The following PPARGC1A variants were observed in gnomAD, a reference collection of about 807,000 sequenced individuals.
PPARGC1A encodes the protein peroxisome proliferator-activated receptor gamma coactivator 1-alpha.
Under a neutral mutation model 88.7 loss-of-function variants are expected in PPARGC1A, and 25 were observed. The ratio of observed to expected loss-of-function variants is 0.28; its 90% CI spans 0.21 to 0.39. The LOEUF is 0.39. Ranked by LOEUF, PPARGC1A falls within the 10% of genes least tolerant of loss-of-function variation. The pLI is 1.00. For missense variants in PPARGC1A, 880 were observed against 968.7 expected, an observed-to-expected ratio of 0.91 and a Z score of 1.22; for synonymous variants, 363 against 355.6, an observed-to-expected ratio of 1.02 and a Z score of -0.24.
At chr4:24,084,170 G>C in the PPARGC1A span, among the ~76,000 whole-genome samples, 1 of 152,300 alleles carries the variant, frequency 6.6e-6, no homozygotes, top group African/African-American at 2.4e-5. Context: ...AGTATGTGGA[G>C]CTCACTAAAT....
chr4:24,115,754 A>G, the PPARGC1A span, among the ~76,000 whole-genome samples: 1 of 152,026 alleles, frequency 6.6e-6, no homozygotes, highest in South Asian at 2.1e-4. Flanking sequence ...GCTCTTCTTC[A>G]TTTCCCTCTT....
intron 2 of PPARGC1A, among the ~76,000 whole-genome samples, chr4:23,874,997 A>G (rs1195319865): frequency 1.3e-5 from 2 of 152,234 alleles, no homozygotes; most frequent in African/African-American, 4.8e-5. Context: ...TTGCAACCAC[A>G]GAGGTGCTAT....
the PPARGC1A span, among the ~76,000 whole-genome samples, chr4:24,421,601 G>C: frequency 6.6e-6 from 1 of 152,094 alleles, no homozygotes; most frequent in Admixed American, 6.6e-5. Flanking sequence ...GTGAGCCACC[G>C]CGCCGGGCCA....
the PPARGC1A span, among the ~76,000 whole-genome samples, chr4:23,924,444 G>A: frequency 6.6e-6 from 1 of 152,068 alleles, no homozygotes; most frequent in Non-Finnish European, 1.5e-5. Context: ...TGGCTAACAG[G>A]GTGAAACCCC....
At chr4:24,101,931 T>C in the PPARGC1A span, among the ~76,000 whole-genome samples, 1 of 149,148 alleles carries the variant, frequency 6.7e-6, no homozygotes, top group African/African-American at 2.6e-5. Context: ...GAACTAACGA[T>C]TGAGAGATGA....
At chr4:24,321,078 C>G in the PPARGC1A span, among the ~76,000 whole-genome samples, 1 of 152,166 alleles carries the variant, frequency 6.6e-6, no homozygotes, top group Admixed American at 6.5e-5. Context: ...ATTATCTAAG[C>G]AGCGCCTAAG....
At chr4:24,466,977 A>G in the PPARGC1A span, among the ~76,000 whole-genome samples, 40 of 98,762 alleles carry the variant, frequency 4.1e-4, no homozygotes, top group Admixed American at 2.5e-3. Flanking sequence ...AGAAAGAGAA[A>G]GAAAGAAAGG....
the PPARGC1A span, among the ~76,000 whole-genome samples, chr4:24,073,257 T>A: frequency 6.6e-6 from 1 of 152,082 alleles, no homozygotes; most frequent in Non-Finnish European, 1.5e-5. Context: ...TTGACCAGGA[T>A]GGTCTCCATC....
At chr4:24,412,090 A>G in the PPARGC1A span, among the ~76,000 whole-genome samples, 1 of 152,324 alleles carries the variant, frequency 6.6e-6, no homozygotes, top group East Asian at 1.9e-4. Context: ...GAAACTGCCA[A>G]ACAGTCTTTC....
the PPARGC1A span, among the ~76,000 whole-genome samples, chr4:24,191,310 T>C: frequency 1.3e-5 from 2 of 152,194 alleles, no homozygotes; most frequent in African/African-American, 4.8e-5. Context: ...TCTCTGAGCT[T>C]CCTTCAGAGG....
the PPARGC1A span, among the ~76,000 whole-genome samples, chr4:24,289,906 T>G: frequency 1.3e-5 from 2 of 152,192 alleles, no homozygotes; most frequent in African/African-American, 4.8e-5. Flanking sequence ...GAAAGAGGTT[T>G]AATGGACTCA....
chr4:24,247,523 A>C, the PPARGC1A span, among the ~76,000 whole-genome samples: 1 of 152,212 alleles, frequency 6.6e-6, no homozygotes, highest in Non-Finnish European at 1.5e-5. Flanking sequence ...TCAAAATTTC[A>C]GAAGACACTC....
chr4:24,435,834 C>T, the PPARGC1A span, among the ~76,000 whole-genome samples: 1 of 152,160 alleles, frequency 6.6e-6, no homozygotes, highest in Admixed American at 6.5e-5. Flanking sequence ...TAGGCAAAAG[C>T]AAGATTTGAA....
At chr4:23,820,774 A>T (rs1722873256) in intron 7 of PPARGC1A, 1 of 197,288 alleles carries the variant, frequency 5.1e-6, no homozygotes, top group Non-Finnish European at 1.1e-5. Flanking sequence ...GACACTGCAG[A>T]TGGGGCAGAG....
the PPARGC1A span, among the ~76,000 whole-genome samples, chr4:24,349,952 G>C: frequency 1.7e-4 from 26 of 152,274 alleles, no homozygotes; most frequent in African/African-American, 6.0e-4. Flanking sequence ...GGCTGCTTGG[G>C]GACCCAGCGA....
chr4:24,383,676 A>G, the PPARGC1A span, among the ~76,000 whole-genome samples: 1 of 152,206 alleles, frequency 6.6e-6, no homozygotes, highest in Non-Finnish European at 1.5e-5. Flanking sequence ...AAGACTAGAG[A>G]AAAAACAATG....
the PPARGC1A span, among the ~76,000 whole-genome samples, chr4:24,463,069 G>A: frequency 3.6e-3 from 545 of 152,062 alleles, 6 homozygotes; most frequent in Admixed American, 5.1e-3. Context: ...GACTTCACAC[G>A]AAGCATCTTT....
At chr4:24,230,950 T>TTA in the PPARGC1A span, among the ~76,000 whole-genome samples, 95 of 138,832 alleles carry the variant, frequency 6.8e-4, no homozygotes, top group African/African-American at 2.2e-3. Flanking sequence ...CAGAATTTAT[T>TTA]AAAAAAAATA....
At chr4:24,219,600 C>A in the PPARGC1A span, among the ~76,000 whole-genome samples, 1 of 152,332 alleles carries the variant, frequency 6.6e-6, no homozygotes, top group African/African-American at 2.4e-5. Flanking sequence ...TTAACTCTTA[C>A]CTATCTTCAC....
Sources: allele counts gnomAD v4.1 joint callset (sites outside exome capture counted in the v4.1 genomes callset), GRCh38; gene constraint gnomAD v4.1.1; transcripts MANE v1.5; gene names NCBI Gene and HGNC (gene_info 2026-07-23, HGNC 2026-07-21).